The following ITFG1 variants were observed in gnomAD, a reference collection of about 807,000 sequenced individuals.
The protein encoded by ITFG1 is T-cell immunomodulatory protein.
A neutral mutation model predicts 81.8 loss-of-function variants in ITFG1; 34 were observed. The observed-to-expected ratio is 0.42, with a 90% confidence interval of 0.32 to 0.55. ITFG1 has a LOEUF of 0.55. Ranked by LOEUF, ITFG1 falls within the 20% of genes least tolerant of loss-of-function variation. ITFG1 has a pLI of 0.17. For missense variants in ITFG1, 672 were observed against 755.4 expected (o/e 0.89, Z 1.29); for synonymous variants, 285 against 270.6 (o/e 1.05, Z -0.52).
intron 5 of ITFG1, among the ~76,000 whole-genome samples, chr16:47,431,412 A>G (rs1969094217): frequency 6.6e-6 from 1 of 152,178 alleles, no homozygotes; most frequent in South Asian, 2.1e-4. Context: ...GCTCCTTATG[A>G]GAATCTAATG....
At chr16:47,323,668 T>A (rs934508270) in intron 8 of ITFG1, among the ~76,000 whole-genome samples, 1 of 152,158 alleles carries the variant, frequency 6.6e-6, no homozygotes, top group African/African-American at 2.4e-5. Context: ...GACCTATTCT[T>A]TTTCCTGTTC....
rs186314360 is a variant in ITFG1, at chr16:47,208,395, C to T, written c.1453+10473G>A. ...AGGTGTTTGGTACGCTAAAAGTACT[C>T]ATTAAGTGTAAGCTATTATTTATTC... On this transcript the variant is annotated intron_variant, in intron 14 of 17. Transcript: ENST00000320640. Among the ~76,000 whole-genome samples, 3 of 152,320 alleles carry T rather than the reference C, an allele frequency of 2.0e-5. No individual in the cohort carries two copies. The East Asian group carries it at 5.8e-4, about 29-fold the overall frequency.
chr16:47,404,724 G>T (rs975525978), intron 6 of ITFG1, among the ~76,000 whole-genome samples: 24 of 151,006 alleles, frequency 1.6e-4, no homozygotes, highest in Admixed American at 6.6e-5. Context: ...ATTTTTTTTT[G>T]CTCAGCATTG....
At chr16:47,407,748 T>A (rs563250144) in intron 6 of ITFG1, among the ~76,000 whole-genome samples, 1 of 152,264 alleles carries the variant, frequency 6.6e-6, no homozygotes, top group South Asian at 2.1e-4. Flanking sequence ...GGGATTCATT[T>A]TGGGAAAAAT....
At chr16:47,219,166 T>C (rs1177567309) in intron 13 of ITFG1, among the ~76,000 whole-genome samples, 1 of 152,154 alleles carries the variant, frequency 6.6e-6, no homozygotes, top group Non-Finnish European at 1.5e-5. Flanking sequence ...TAGAAAATTC[T>C]TAAGACTTTA....
At chr16:47,385,058 G>T (rs1968443676) in intron 6 of ITFG1, among the ~76,000 whole-genome samples, 2 of 152,226 alleles carry the variant, frequency 1.3e-5, no homozygotes, top group African/African-American at 2.4e-5. Flanking sequence ...TTTGAGGAGG[G>T]CTTCACTGAG....
chr16:47,436,989 C>T lies in ITFG1; in HGVS notation c.561-8091G>A, dbSNP rs190147288. ...CCTCATTTAATCAAGTAAAAGTAGG[C>T]TAATAAAGGGTTTGAGAAATCTTTT... On this transcript the variant is annotated intron_variant, in intron 5 of 17. Coordinates refer to ENST00000320640, the MANE Select transcript of ITFG1 (RefSeq NM_030790.5). 2.6e-5 allele frequency among the ~76,000 whole-genome samples: 4 copies of T among 152,174 alleles called. No individual in the cohort carries two copies. In the East Asian group the frequency reaches 7.7e-4, roughly 29 times the overall value.
At chr16:47,224,070 T>TG (rs1278454561) in intron 13 of ITFG1, among the ~76,000 whole-genome samples, 9 of 59,746 alleles carry the variant, frequency 1.5e-4, no homozygotes, top group African/African-American at 6.1e-4. Context: ...TGTTGTGGGG[T>TG]GGGGGGAGGG....
chr16:47,414,755 T>C (rs1325351193), intron 6 of ITFG1, among the ~76,000 whole-genome samples: 1 of 152,206 alleles, frequency 6.6e-6, no homozygotes, highest in Non-Finnish European at 1.5e-5. Context: ...AGTAGTTGCC[T>C]CTCCTTTATA....
intron 10 of ITFG1, chr16:47,263,404 T>C: frequency 2.1e-6 from 1 of 471,170 alleles, no homozygotes; most frequent in Admixed American, 2.2e-5. Flanking sequence ...ACTCAGGAGG[T>C]GCTGCTAACC....
At chr16:47,360,716 T>C (rs1968098109) in intron 8 of ITFG1, among the ~76,000 whole-genome samples, 1 of 152,298 alleles carries the variant, frequency 6.6e-6, no homozygotes, top group South Asian at 2.1e-4. Context: ...GCGCATCTGA[T>C]TTACTTTCCA....
chr16:47,301,846 T>G (rs1967081645), intron 10 of ITFG1, among the ~76,000 whole-genome samples: 1 of 152,192 alleles, frequency 6.6e-6, no homozygotes, highest in Admixed American at 6.5e-5. Flanking sequence ...TACTTAAAAT[T>G]TTGTTTAACA....
chr16:47,297,504 A>G (rs980470559), intron 10 of ITFG1, among the ~76,000 whole-genome samples: 2 of 152,054 alleles, frequency 1.3e-5, no homozygotes, highest in Non-Finnish European at 2.9e-5. Flanking sequence ...TCCTTTGAGT[A>G]TTCCTTGTAG....
At chr16:47,325,551 G>A (rs1489535543) in intron 8 of ITFG1, among the ~76,000 whole-genome samples, 4 of 152,068 alleles carry the variant, frequency 2.6e-5, no homozygotes, top group Admixed American at 2.0e-4. Context: ...TTTTTGAAAA[G>A]ATCAACAAAA....
At chr16:47,446,134 G>C (rs1158172323) in intron 5 of ITFG1, among the ~76,000 whole-genome samples, 3 of 152,058 alleles carry the variant, frequency 2.0e-5, no homozygotes, top group Non-Finnish European at 2.9e-5. Context: ...ACAACAACAA[G>C]CTTGCTTGAG....
intron 10 of ITFG1, among the ~76,000 whole-genome samples, chr16:47,301,409 C>CTT (rs1013125084): frequency 1.1e-4 from 16 of 144,162 alleles, no homozygotes; most frequent in Admixed American, 3.5e-4. Context: ...TCTTCTTCTT[C>CTT]TTTTTTTTTT....
At chr16:47,277,969 C>T (rs934511043) in intron 10 of ITFG1, among the ~76,000 whole-genome samples, 3 of 152,040 alleles carry the variant, frequency 2.0e-5, no homozygotes, top group African/African-American at 7.2e-5. Flanking sequence ...AAACAGATAA[C>T]CTTTAAAGTA....
chr16:47,285,355 C>G (rs771567263), intron 10 of ITFG1, among the ~76,000 whole-genome samples: 1 of 152,176 alleles, frequency 6.6e-6, no homozygotes, highest in Admixed American at 6.5e-5. Flanking sequence ...GCCCCTGCCC[C>G]GTACCTCACC....
chr16:47,349,493 T>A (rs1331858201), intron 8 of ITFG1, among the ~76,000 whole-genome samples: 1 of 152,142 alleles, frequency 6.6e-6, no homozygotes, highest in Non-Finnish European at 1.5e-5. Flanking sequence ...AGGGATCACT[T>A]CAACAAGAAG....
Sources: gnomAD v4.1 joint callset for allele counts (sites outside exome capture counted in the v4.1 genomes callset) on GRCh38, gnomAD v4.1.1 for gene constraint, MANE v1.5 for transcripts, NCBI Gene and HGNC (gene_info 2026-07-23, HGNC 2026-07-21) for gene names.